Variants in ALK observed in about 807,000 individuals in gnomAD.
ALK encodes the protein ALK tyrosine kinase receptor.
A neutral mutation model predicts 163.1 loss-of-function variants in ALK; 74 were observed. That is an observed-to-expected ratio of 0.45 (90% CI 0.38 to 0.55). The LOEUF (loss-of-function observed/expected upper bound fraction) is 0.55. ALK is among the 20% of genes least tolerant of loss of function. The pLI is 0.00. For synonymous variants in ALK, 960 were observed against 843.2 expected, an observed-to-expected ratio of 1.14 and a Z score of -2.40; for missense variants, 2,063 against 2,105.3, an observed-to-expected ratio of 0.98 and a Z score of 0.39.
chr2:29,284,592 C>T (rs1007824854), intron 9 of ALK, among the ~76,000 whole-genome samples: 3 of 152,216 alleles, frequency 2.0e-5, no homozygotes, highest in African/African-American at 7.2e-5. Context: ...GCCTCCTAAA[C>T]CAAGCTCATG....
intron 1 of ALK, among the ~76,000 whole-genome samples, chr2:29,762,453 C>T (rs533052805): frequency 3.9e-5 from 6 of 152,134 alleles, no homozygotes; most frequent in African/African-American, 7.2e-5. Context: ...CAGAGGGTTG[C>T]GTTTTGCAGT....
chr2:29,223,132 C>T (rs1180510929), intron 20 of ALK, among the ~76,000 whole-genome samples: 1 of 152,166 alleles, frequency 6.6e-6, no homozygotes, highest in Non-Finnish European at 1.5e-5. Flanking sequence ...TGGTTCTCCT[C>T]TCATTGTATA....
At chr2:29,376,651 T>C (rs189240687) in intron 5 of ALK, among the ~76,000 whole-genome samples, 212 of 152,334 alleles carry the variant, frequency 1.4e-3, no homozygotes, top group Non-Finnish European at 2.3e-3. Context: ...GCCACTGTGA[T>C]CTACATTTTA....
At chr2:29,243,995 T>C (rs780943576) in intron 12 of ALK, among the ~76,000 whole-genome samples, 9 of 151,282 alleles carry the variant, frequency 5.9e-5, no homozygotes, top group Non-Finnish European at 1.0e-4. Context: ...CCTGATGTAA[T>C]TGAGTTGTGA....
chr2:29,902,234 T>C (rs931517376), intron 1 of ALK, among the ~76,000 whole-genome samples: 5 of 152,210 alleles, frequency 3.3e-5, no homozygotes, highest in Non-Finnish European at 5.9e-5. Flanking sequence ...CAATGTTTTT[T>C]CTTCCCAAAT....
chr2:29,475,173 C>A (rs1427465332), intron 4 of ALK, among the ~76,000 whole-genome samples: 1 of 152,186 alleles, frequency 6.6e-6, no homozygotes, highest in Non-Finnish European at 1.5e-5. Context: ...CCAAGCAAGG[C>A]AGTGGGCGAG....
At chr2:29,586,195 T>C (rs1318235640) in intron 3 of ALK, among the ~76,000 whole-genome samples, 3 of 152,076 alleles carry the variant, frequency 2.0e-5, no homozygotes, top group African/African-American at 7.2e-5. Context: ...CTTCTTTGAA[T>C]TGTTGCTTCA....
chr2:29,791,690 C>G (rs762812562), intron 1 of ALK, among the ~76,000 whole-genome samples: 62 of 152,200 alleles, frequency 4.1e-4, no homozygotes, highest in South Asian at 2.1e-3. Context: ...TACTGAAGGC[C>G]TCTGGTAGAC....
chr2:29,738,851 T>A (rs1483932601), intron 1 of ALK, among the ~76,000 whole-genome samples: 1 of 152,102 alleles, frequency 6.6e-6, no homozygotes, highest in African/African-American at 2.4e-5. Context: ...CACACAAGGA[T>A]ATTTGCTATT....
chr2:29,380,392 C>T (rs1036142982), intron 5 of ALK, among the ~76,000 whole-genome samples: 1 of 151,786 alleles, frequency 6.6e-6, no homozygotes. Context: ...GCATGAGCCA[C>T]CTTGCCTGGC....
intron 1 of ALK, among the ~76,000 whole-genome samples, chr2:29,784,713 AAACAAC>A (rs34379763): frequency 6.6e-6 from 1 of 150,740 alleles, no homozygotes; most frequent in Non-Finnish European, 1.5e-5. Flanking sequence ...ACAACAACAA[AAACAAC>A]AACAACAACA....
chr2:29,584,386 A>C (rs1169510818), intron 3 of ALK, among the ~76,000 whole-genome samples: 2 of 152,256 alleles, frequency 1.3e-5, no homozygotes, highest in Admixed American at 1.3e-4. Flanking sequence ...GGAATTTTGC[A>C]GTGAAATTAG....
At chr2:29,418,916 T>C (rs1331698869) in intron 4 of ALK, among the ~76,000 whole-genome samples, 1 of 151,640 alleles carries the variant, frequency 6.6e-6, no homozygotes, top group African/African-American at 2.4e-5. Flanking sequence ...AAAAATTATT[T>C]TTAAAGTGTG....
At position 29,885,004 on chromosome 2, in the gene ALK, G is replaced by A. The variant is rs77637363; in HGVS notation, c.667+34989C>T. On this transcript the variant is annotated intron_variant, in intron 1 of 28. Transcript: ENST00000389048. The stretch of plus-strand genomic sequence containing the variant: ...GCAAATGCAGATGGGTTTATGATCA[G>A]GACTTATCAATACAGCTGCTAACTC... Among the ~76,000 whole-genome samples, 281 of 152,272 alleles carry A rather than the reference G, an allele frequency of 1.8e-3. 1 individual carries two copies. Among genetic ancestry groups the A allele is most frequent in the African/African-American group, 6.5e-3 (271 of 41,556 alleles).
Position 29,227,455 on chromosome 2 carries a change from T to G in ALK, c.2914+119A>C, listed in dbSNP as rs764718483. 2.0e-5 allele frequency: 19 copies of G among 936,312 alleles called. No homozygotes were observed. The highest frequency in any genetic ancestry group is 3.4e-5 in the Non-Finnish European group (19 of 564,754). The allele number at this position is 936,312 out of a possible 1,614,324, so 58.0% of individuals were successfully genotyped here. A position where few individuals can be genotyped will look rare whatever the true frequency, so the allele number is the denominator to read the frequency against. On this transcript the variant is annotated intron_variant, in intron 17 of 28. Coordinates refer to ENST00000389048, the MANE Select transcript of ALK (RefSeq NM_004304.5). The surrounding 1 kb of genome is among the most constrained non-coding windows in gnomAD (Gnocchi z 4.4). ...TGACCTGCGCCATAGGAAGCTTGCCTGCCAGGGACCCATAATTGTGCCTCT... is the reference window on the plus strand; with the variant it reads ...TGACCTGCGCCATAGGAAGCTTGCCGGCCAGGGACCCATAATTGTGCCTCT...
chr2:29,713,419 T>C (rs1327431498), intron 2 of ALK, among the ~76,000 whole-genome samples: 1 of 152,140 alleles, frequency 6.6e-6, no homozygotes, highest in Non-Finnish European at 1.5e-5. Flanking sequence ...CTACCTACAG[T>C]GCCAAGGGGA....
chr2:29,481,387 C>A (rs1671656270), intron 4 of ALK, among the ~76,000 whole-genome samples: 1 of 152,194 alleles, frequency 6.6e-6, no homozygotes. Flanking sequence ...ATTTTTCAGT[C>A]TTTATCATAA....
chr2:29,731,906 G>T (rs1356720344), intron 1 of ALK, among the ~76,000 whole-genome samples: 1 of 152,160 alleles, frequency 6.6e-6, no homozygotes, highest in East Asian at 1.9e-4. Context: ...GACCTGTAAA[G>T]GTGTTGTAGG....
intron 4 of ALK, among the ~76,000 whole-genome samples, chr2:29,396,643 C>G (rs558723594): frequency 1.3e-5 from 2 of 152,130 alleles, no homozygotes; most frequent in South Asian, 2.1e-4. Flanking sequence ...CTACTGTACT[C>G]CAGCCTAGAT....
Sources: gnomAD v4.1 joint callset for allele counts (sites outside exome capture counted in the v4.1 genomes callset) on GRCh38, gnomAD v4.1.1 for gene constraint, Gnocchi (gnomAD v3.1) non-coding constraint, MANE v1.5 for transcripts, NCBI Gene and HGNC (gene_info 2026-07-23, HGNC 2026-07-21) for gene names.